ROR2: variants seen among roughly 807,000 people sequenced by gnomAD.
ROR2 encodes the protein ROR family WNT receptor 2.
Under a neutral mutation model 74.9 loss-of-function variants are expected in ROR2, and 33 were observed. That is an observed-to-expected ratio of 0.44 (90% CI 0.33 to 0.59). ROR2 has a LOEUF of 0.59. Among genes scored for constraint, ROR2 ranks in the 20% least tolerant of loss-of-function variants. ROR2 has a pLI of 0.02. For missense variants in ROR2, 1,216 were observed against 1,313.8 expected (o/e 0.93, Z 1.15); for synonymous variants, 586 against 558.7 (o/e 1.05, Z -0.69).
At chr9:91,913,376 A>AT (rs146873314) in intron 1 of ROR2, among the ~76,000 whole-genome samples, 4,849 of 152,092 alleles carry the variant, frequency 0.032, 119 homozygotes, top group South Asian at 0.062. Flanking sequence ...CCAAAATTTG[A>AT]TTTTTTTTCT....
chr9:91,918,237 C>T (rs1476101689), intron 1 of ROR2, among the ~76,000 whole-genome samples: 1 of 125,884 alleles, frequency 7.9e-6, no homozygotes, highest in Non-Finnish European at 1.6e-5. Context: ...CACCGCACTC[C>T]AGCCTGGGCG....
At chr9:91,865,734 G>A (rs1829612956) in intron 1 of ROR2, among the ~76,000 whole-genome samples, 1 of 152,200 alleles carries the variant, frequency 6.6e-6, no homozygotes, top group Admixed American at 6.5e-5. Flanking sequence ...TGGGGGTGAG[G>A]AAGTGAAGTG....
At chr9:91,756,391 C>A (rs1389171225) in intron 3 of ROR2, among the ~76,000 whole-genome samples, 1 of 152,214 alleles carries the variant, frequency 6.6e-6, no homozygotes, top group Non-Finnish European at 1.5e-5. Flanking sequence ...TACTTATGAT[C>A]GGATGGCGTG....
intron 1 of ROR2, among the ~76,000 whole-genome samples, chr9:91,855,442 T>G (rs914560756): frequency 3.3e-5 from 5 of 152,162 alleles, no homozygotes; most frequent in Non-Finnish European, 5.9e-5. Context: ...CGGGAGATCA[T>G]GCAGGCTGAA....
intron 7 of ROR2, 143 bp from the exon 8 acceptor site, chr9:91,726,886 C>A (rs1837060184): frequency 1.0e-5 from 8 of 779,116 alleles, no homozygotes; most frequent in South Asian, 8.9e-5. Context: ...GGTAAAAGGG[C>A]ACACCACACC....
intron 2 of ROR2, among the ~76,000 whole-genome samples, chr9:91,774,159 G>A (rs138447044): frequency 1.0e-3 from 157 of 152,268 alleles, no homozygotes; most frequent in Admixed American, 1.6e-3. Context: ...GGTCCCCAAG[G>A]CCAGTGTACT....
At chr9:91,758,434 T>TA (rs1255837024) in intron 2 of ROR2, among the ~76,000 whole-genome samples, 1 of 152,020 alleles carries the variant, frequency 6.6e-6, no homozygotes, top group Non-Finnish European at 1.5e-5. Flanking sequence ...AGTAAAATAT[T>TA]AAAAAAAGAT....
At chr9:91,839,251 G>GTGTGTGTGTGT (rs1828705225) in intron 1 of ROR2, among the ~76,000 whole-genome samples, 1 of 107,714 alleles carries the variant, frequency 9.3e-6, no homozygotes, top group Non-Finnish European at 2.0e-5. Context: ...TCAGATCGGG[G>GTGTGTGTGTGT]GTGTGTGTGT....
chr9:91,829,799 G>A (rs1381121584), intron 1 of ROR2, among the ~76,000 whole-genome samples: 1 of 152,102 alleles, frequency 6.6e-6, no homozygotes, highest in Non-Finnish European at 1.5e-5. Flanking sequence ...CATTAAAAAT[G>A]ATAGTTAGGT....
chr9:91,801,914 G>A (rs1004940295), intron 1 of ROR2, among the ~76,000 whole-genome samples: 10 of 152,186 alleles, frequency 6.6e-5, no homozygotes, highest in Admixed American at 1.3e-4. Flanking sequence ...GGGGACCATC[G>A]CGCACAGCAG....
intron 1 of ROR2, among the ~76,000 whole-genome samples, chr9:91,941,067 G>C (rs1399638193): frequency 1.4e-5 from 2 of 141,204 alleles, no homozygotes; most frequent in Non-Finnish European, 3.0e-5. Flanking sequence ...GCGCTATCTC[G>C]GCTCACTGCA....
Position 91,737,412 on chromosome 9 carries a change from C to G in ROR2, c.601G>C (p.Glu201Gln), listed in dbSNP as rs754244868. ...IYVDSLQMQG[E>Q]IENRITAAFT... is the part of the protein sequence containing the mutation. ...CTACCTGTGATTCGGTTTTCAATCT[C>G]CCCCTGCATCTGAAGCGAGTCCACA... Residue 201 changes from glutamate to glutamine, a missense_variant, in exon 5 of 9, where the codon GAG becomes CAG. Glu to Gln is a conservative substitution (Grantham distance 29). Coordinates refer to ENST00000375708, the MANE Select transcript of ROR2 (RefSeq NM_004560.4). The G allele has an allele frequency of 1.2e-6, 2 of 1,614,132 alleles. 1 individual carries two copies. Among genetic ancestry groups the G allele is most frequent in the South Asian group, 2.2e-5 (2 of 91,076 alleles).
chr9:91,742,757 A>G (rs1286355069), intron 4 of ROR2, among the ~76,000 whole-genome samples: 5 of 152,222 alleles, frequency 3.3e-5, no homozygotes, highest in Non-Finnish European at 7.3e-5. Context: ...AGTAGTGTAC[A>G]GTAATGTGTA....
Position 91,887,788 on chromosome 9 carries a change from C to CTTTTT in ROR2, c.97+62074_97+62078dup, listed in dbSNP as rs771557997. On this transcript the variant is annotated intron_variant, in intron 1 of 8. Transcript: ENST00000375708. ...CTTCTCTCCATAACACTTTTTTTCTCTTTTTTTTTTTTTTTTTTTTTGAGA... is the reference window on the plus strand; with the variant it reads ...CTTCTCTCCATAACACTTTTTTTCTCTTTTTTTTTTTTTTTTTTTTTTTTTTGAGA... 6.6e-3 allele frequency among the ~76,000 whole-genome samples: 667 copies of CTTTTT among 100,648 alleles called. 14 individuals carry two copies. Among genetic ancestry groups the CTTTTT allele is most frequent in the African/African-American group, 0.019 (469 of 24,386 alleles). 66.0% of individuals were successfully genotyped at this position (100,648 alleles called of 152,430 possible).
chr9:91,899,052 CGT>C (rs1405525866), intron 1 of ROR2, among the ~76,000 whole-genome samples: 3 of 152,208 alleles, frequency 2.0e-5, no homozygotes, highest in Admixed American at 2.0e-4. Context: ...CGCTTCAGCA[CGT>C]GTGTCAGGAC....
intron 1 of ROR2, among the ~76,000 whole-genome samples, chr9:91,948,207 G>A (rs1352606855): frequency 1.3e-5 from 2 of 152,088 alleles, no homozygotes; most frequent in African/African-American, 4.8e-5. Flanking sequence ...CCACAGCACC[G>A]CCCCTCAAAG....
At chr9:91,806,780 G>T (rs535024985) in intron 1 of ROR2, among the ~76,000 whole-genome samples, 61 of 152,098 alleles carry the variant, frequency 4.0e-4, no homozygotes, top group East Asian at 1.7e-3. Flanking sequence ...TAGTAGAGAC[G>T]GGGTTTCACC....
intron 1 of ROR2, among the ~76,000 whole-genome samples, chr9:91,835,940 C>A (rs78312872): frequency 6.6e-6 from 1 of 152,190 alleles, no homozygotes; most frequent in South Asian, 2.1e-4. Flanking sequence ...CTTTTGTGAT[C>A]GTCACTTCCC....
intron 1 of ROR2, among the ~76,000 whole-genome samples, chr9:91,906,455 C>G (rs568513954): frequency 1.3e-5 from 2 of 152,260 alleles, no homozygotes; most frequent in African/African-American, 4.8e-5. Flanking sequence ...GGCACATGGT[C>G]ACAGGCTGCC....
Sources: gnomAD v4.1 joint callset for allele counts (sites outside exome capture counted in the v4.1 genomes callset) on GRCh38, gnomAD v4.1.1 for gene constraint, MANE v1.5 for transcripts, NCBI Gene and HGNC (gene_info 2026-07-23, HGNC 2026-07-21) for gene names.